Variants in MAST2 observed in about 807,000 individuals in gnomAD.
MAST2 encodes the protein microtubule associated serine/threonine kinase 2, also known as microtubule-associated serine/threonine-protein kinase 2.
MAST2 carries 70 observed loss-of-function variants against 147.4 expected under a neutral mutation model. That is an observed-to-expected ratio of 0.47 (90% CI 0.39 to 0.58). The LOEUF (loss-of-function observed/expected upper bound fraction) is 0.58. Ranked by LOEUF, MAST2 falls within the 20% of genes least tolerant of loss-of-function variation. The pLI is 0.00. For synonymous variants in MAST2, 869 were observed against 896.8 expected (o/e 0.97, Z 0.55); for missense variants, 2,080 against 2,302.3 (o/e 0.90, Z 1.98).
rs964959774 is a variant in MAST2 at position 45,841,629 on chromosome 1, C to T, written c.468+12048C>T. 2.0e-5 allele frequency among the ~76,000 whole-genome samples: 3 copies of T among 152,020 alleles called. No individual in the cohort carries two copies. The East Asian group carries it at 5.8e-4, about 29-fold the overall frequency. ...CTCTGCTGGGCAAGGTGTCAGAACC[C>T]GGCAGTGGAGAGTGGTTGGCTCACT... On this transcript the variant is annotated intron_variant, in intron 3 of 28. Coordinates refer to ENST00000361297, the MANE Select transcript of MAST2 (RefSeq NM_015112.3).
intron 1 of MAST2, among the ~76,000 whole-genome samples, chr1:45,817,352 A>G (rs1644488338): frequency 6.6e-6 from 1 of 152,158 alleles, no homozygotes; most frequent in Non-Finnish European, 1.5e-5. Context: ...AATAACATAC[A>G]ATGGAGCTTC....
At position 45,812,444 on chromosome 1, in the gene MAST2, T is replaced by C. The variant is rs994266928; in HGVS notation, c.177+8372T>C. ...GTAAGCCTTTTTTTTTTTTTTTTTT[T>C]TTAGACGGAGTCTCGCACTGTTGCC... On this transcript the variant is annotated intron_variant, in intron 1 of 28. Transcript: ENST00000361297. Among the ~76,000 whole-genome samples the C allele has an allele frequency of 2.0e-5, 3 of 151,174 alleles. No homozygotes were observed. In the South Asian group the frequency reaches 6.3e-4, roughly 32 times the overall value.
chr1:45,830,048 G>T (rs145303311), intron 3 of MAST2, among the ~76,000 whole-genome samples: 1 of 151,366 alleles, frequency 6.6e-6, no homozygotes, highest in African/African-American at 2.4e-5. Context: ...GTAGAGATGG[G>T]GTTTCACTGT....
At position 45,938,859 on chromosome 1, in the gene MAST2, G is replaced by A. The variant is rs184117526; in HGVS notation, c.501-20527G>A. On this transcript the variant is annotated intron_variant, in intron 4 of 28. Transcript: ENST00000361297. ...TAGCCATTTGTATATCTTTTTTGGT[G>A]GAATGTCTGATCAAATATTTTTGTT... 3.2e-3 allele frequency among the ~76,000 whole-genome samples: 483 copies of A among 151,324 alleles called. 1 individual carries two copies. Among genetic ancestry groups the A allele is most frequent in the Non-Finnish European group, 5.1e-3 (349 of 67,816 alleles).
At position 45,829,471 on chromosome 1, in the gene MAST2, C is replaced by T. The variant is rs1258381153; in HGVS notation, c.358C>T (p.His120Tyr). 1 of 1,614,030 alleles carries T rather than the reference C, an allele frequency of 6.2e-7. No individual in the cohort carries two copies. The highest frequency in any genetic ancestry group is 2.2e-5 in the East Asian group (1 of 44,900). ...GCTGCTCCCTTTGTCCAGCAGTGTA[C>T]ATAGCAGTGTGGGACAGGTGACTTG... ...KQLLPLSSSV[H>Y]SSVGQVTWQS... Residue 120 changes from histidine (H) to tyrosine (Y), a missense_variant, in exon 3 of 29, where the codon CAT becomes TAT. His to Tyr is a moderately conservative substitution (Grantham distance 83). Transcript: ENST00000361297.
intron 1 of MAST2, among the ~76,000 whole-genome samples, chr1:45,811,166 CTTTT>C (rs375439362): frequency 1.6e-5 from 2 of 127,886 alleles, no homozygotes; most frequent in Non-Finnish European, 1.7e-5. Flanking sequence ...CAGTATATTT[CTTTT>C]TTTTTTTTTT....
chr1:45,953,961 A>G (rs962779897), intron 4 of MAST2, among the ~76,000 whole-genome samples: 14 of 152,192 alleles, frequency 9.2e-5, no homozygotes, highest in African/African-American at 2.7e-4. Flanking sequence ...CATCTTAACC[A>G]GGACATCTTG....
intron 4 of MAST2, among the ~76,000 whole-genome samples, chr1:45,943,616 G>A (rs1160789835): frequency 2.6e-5 from 4 of 152,124 alleles, no homozygotes; most frequent in East Asian, 1.9e-4. Context: ...GTGGTGACGC[G>A]TGCCTGTAAT....
At chr1:45,928,557 A>G (rs2148693228) in intron 4 of MAST2, among the ~76,000 whole-genome samples, 1 of 149,988 alleles carries the variant, frequency 6.7e-6, no homozygotes, top group African/African-American at 2.4e-5. Flanking sequence ...GGGATGTCTG[A>G]TCACTCTTTC....
chr1:45,815,795 C>G, intron 1 of MAST2, among the ~76,000 whole-genome samples: 1 of 152,272 alleles, frequency 6.6e-6, no homozygotes, highest in East Asian at 1.9e-4. Context: ...ATGGGCCAAT[C>G]CTAGAAATGG....
Position 46,035,254 on chromosome 1 carries a change from G to A in MAST2, c.4585G>A (p.Val1529Met), listed in dbSNP as rs1447312475. Residue 1529 changes from valine (V) to methionine (M), a missense_variant, in exon 29 of 29, where the codon GTG (valine) becomes ATG (methionine). This residue lies in a region of MAST2 where 1,278 missense variants were observed against 1,304.2 expected (regional missense o/e 0.98). Coordinates refer to ENST00000361297, the MANE Select transcript of MAST2 (RefSeq NM_015112.3). This position sits in a 1 kb window ranked among gnomAD's most constrained non-coding sequence, Gnocchi z 5.5. The part of the protein sequence containing the change: ...QELSLAPHPE[V>M]SQSVAPKGAG... ...GCTGAGCTTGGCACCTCACCCAGAA[G>A]TGAGCCAGAGTGTGGCCCCTAAAGG... is the stretch of plus-strand genomic sequence containing the variant. 1 of 1,613,932 alleles carries A rather than the reference G, an allele frequency of 6.2e-7. No homozygotes were observed. The highest frequency in any genetic ancestry group is 2.2e-5 in the East Asian group (1 of 44,892).
rs1653486261 is a variant in MAST2, at chr1:45,921,534, A to G, written c.501-37852A>G. 2.6e-5 allele frequency among the ~76,000 whole-genome samples: 4 copies of G among 152,192 alleles called. No homozygotes were observed. In the South Asian group the frequency reaches 6.2e-4, roughly 24 times the overall value. ...TGGCAAGTGAGCATAGGGTCCGGCC[A>G]CTGCACGCAGTCAGGCATGCCAACT... is the stretch of plus-strand genomic sequence containing the variant. On this transcript the variant is annotated intron_variant, in intron 4 of 28. Coordinates refer to ENST00000361297, the MANE Select transcript of MAST2 (RefSeq NM_015112.3).
intron 5 of MAST2, among the ~76,000 whole-genome samples, chr1:45,977,740 C>T (rs1039261080): frequency 4.1e-5 from 6 of 147,064 alleles, no homozygotes; most frequent in African/African-American, 1.5e-4. Context: ...GCGGAGGTTG[C>T]AGTGAGTCAA....
At chr1:45,978,875 A>G (rs1644282965) in intron 5 of MAST2, among the ~76,000 whole-genome samples, 1 of 152,230 alleles carries the variant, frequency 6.6e-6, no homozygotes, top group African/African-American at 2.4e-5. Context: ...AGGGAAATGA[A>G]GAGTGACTGC....
Position 45,997,791 on chromosome 1 carries a change from T to G in MAST2, c.660T>G (p.Pro220=). 2 of 1,614,146 alleles carry G rather than the reference T, an allele frequency of 1.2e-6. No individual in the cohort carries two copies. Among genetic ancestry groups the G allele is most frequent in the South Asian group, 2.2e-5 (2 of 91,082 alleles). Reference sequence around the variant, plus strand: ...CACCTGCTCACTTTTCTTTTGTTCCTGCCCGTAGGTAAGTTGATAGGAAAC... The same window carrying G: ...CACCTGCTCACTTTTCTTTTGTTCCGGCCCGTAGGTAAGTTGATAGGAAAC... The part of the protein sequence containing the change: ...PNAPAHFSFV[P]ARRTDGRRWS... The change falls in exon 6 of 29, where the codon CCT becomes CCG. Residue 220 remains proline (P), a synonymous_variant. Coordinates refer to ENST00000361297, the MANE Select transcript of MAST2 (RefSeq NM_015112.3).
At chr1:45,956,005 A>G (rs1032020945) in intron 4 of MAST2, among the ~76,000 whole-genome samples, 1 of 152,196 alleles carries the variant, frequency 6.6e-6, no homozygotes, top group Non-Finnish European at 1.5e-5. Flanking sequence ...CCTCATGACT[A>G]TCTATAATCC....
intron 6 of MAST2, chr1:46,000,875 A>C: frequency 2.9e-6 from 3 of 1,032,110 alleles, no homozygotes; most frequent in Non-Finnish European, 4.0e-6. Flanking sequence ...GAATGTGCCA[A>C]GCTAGACCAA....
intron 5 of MAST2, among the ~76,000 whole-genome samples, chr1:45,967,125 G>T (rs958994030): frequency 6.6e-6 from 1 of 151,840 alleles, no homozygotes; most frequent in Non-Finnish European, 1.5e-5. Context: ...CCAGGCTGGA[G>T]TGCAGTGATG....
chr1:45,830,890 G>A (rs1644935808), intron 3 of MAST2, among the ~76,000 whole-genome samples: 1 of 151,792 alleles, frequency 6.6e-6, no homozygotes, highest in Non-Finnish European at 1.5e-5. Flanking sequence ...AAAAAAATTA[G>A]CCGAGGATGG....
Sources: allele counts gnomAD v4.1 joint callset (sites outside exome capture counted in the v4.1 genomes callset), GRCh38; gene constraint gnomAD v4.1.1; regional missense constraint gnomAD v4.1.1; non-coding constraint Gnocchi (gnomAD v3.1); transcripts MANE v1.5; gene names NCBI Gene and HGNC (gene_info 2026-07-23, HGNC 2026-07-21).